Variants in ACAN observed in about 807,000 individuals in gnomAD.
ACAN encodes the protein aggrecan.
A neutral mutation model predicts 169.1 loss-of-function variants in ACAN; 47 were observed. The ratio of observed to expected loss-of-function variants is 0.28; its 90% CI spans 0.22 to 0.35. The LOEUF (loss-of-function observed/expected upper bound fraction) is 0.35, where lower values mean the gene tolerates loss of function less well. Ranked by LOEUF, ACAN falls within the 10% of genes least tolerant of loss-of-function variation. ACAN has a pLI of 1.00. For synonymous variants in ACAN, 1,115 were observed against 1,112.2 expected (o/e 1.00, Z -0.05); for missense variants, 2,716 against 2,759.9 (o/e 0.98, Z 0.36).
At chr15:88,854,383 A>T (rs1897000506) in intron 11 of ACAN, among the ~76,000 whole-genome samples, 1 of 152,196 alleles carries the variant, frequency 6.6e-6, no homozygotes, top group African/African-American at 2.4e-5. Context: ...TCAAGCTCCC[A>T]GAGGGTGCTC....
Position 88,849,167 on chromosome 15 carries a change from A to G in ACAN, c.1733-271A>G, listed in dbSNP as rs60178179. On this transcript the variant is annotated intron_variant, in intron 9 of 18. Transcript: ENST00000560601. The surrounding 1 kb of genome is among the most constrained non-coding windows in gnomAD (Gnocchi z 5.1). ...CGGAGGAGAAGTTGTTGTGGAAACA[A>G]CTCAGCCCAGTTTTACGGGAATTTT... 0.027 allele frequency among the ~76,000 whole-genome samples: 4,145 copies of G among 152,140 alleles called. 196 individuals are homozygous for G. The highest frequency in any genetic ancestry group is 0.095 in the African/African-American group (3,949 of 41,508).
intron 1 of ACAN, among the ~76,000 whole-genome samples, chr15:88,805,000 G>A (rs1363299336): frequency 6.6e-6 from 1 of 152,188 alleles, no homozygotes; most frequent in Non-Finnish European, 1.5e-5. Flanking sequence ...AGGAGGGCAA[G>A]TGGACCCAGA....
rs1009567075 is a variant in ACAN, at chr15:88,810,958, C to T, written c.-8+7149C>T. ...TGCCTCTTGGGCCACTTGCTCTCTT[C>T]CTTCCCCAAGGGCAGGACTACAGCC... On this transcript the variant is annotated intron_variant, in intron 1 of 18. Coordinates refer to ENST00000560601, the MANE Select transcript of ACAN (RefSeq NM_001369268.1). 1.7e-4 allele frequency among the ~76,000 whole-genome samples: 26 copies of T among 152,202 alleles called. 1 individual carries two copies.
In ACAN at chr15:88,849,485, G is replaced by A. The variant is rs1164048792; in HGVS notation, c.1780G>A (p.Ala594Thr). The change falls in exon 10 of 19, where the codon GCA (alanine) becomes ACA (threonine). Residue 594 changes from alanine (A) to threonine (T), a missense_variant. By Grantham distance (58) the Ala-to-Thr change is moderately conservative. This residue lies in a region of ACAN where 1,283 missense variants were observed against 1,281.5 expected (regional missense o/e 1.00). Transcript: ENST00000560601. The surrounding 1 kb of genome is among the most constrained non-coding windows in gnomAD (Gnocchi z 5.1). ...TRLEQFTFQE[A>T]LEFCESHNAT... is the part of the protein sequence containing the mutation. ...CCTTGAGCAGTTCACCTTCCAGGAA[G>A]CACTGGAGTTCTGTGAATCTCACAA... 6 of 1,606,830 alleles carry A rather than the reference G, an allele frequency of 3.7e-6. No individual in the cohort carries two copies. In the African/African-American group the frequency reaches 8.0e-5, roughly 21 times the overall value.
chr15:88,860,778 C>T (rs117918654), intron 13 of ACAN, among the ~76,000 whole-genome samples: 5 of 152,238 alleles, frequency 3.3e-5, no homozygotes, highest in East Asian at 3.9e-4. Flanking sequence ...TTAAATACAG[C>T]GGGTCACACC....
chr15:88,826,125 G>C lies in ACAN; in HGVS notation c.-7-10075G>C, dbSNP rs148596959. ...CATGGTAGGATGGGACTTTAGAAAA[G>C]GTTAGAGACTCAGCTCACGTCGGGG... On this transcript the variant is annotated intron_variant, in intron 1 of 18. Transcript: ENST00000560601. Among the ~76,000 whole-genome samples the C allele has an allele frequency of 6.3e-4, 96 of 152,322 alleles. 1 individual carries two copies. Among genetic ancestry groups the C allele is most frequent in the African/African-American group, 2.1e-3 (88 of 41,568 alleles).
At chr15:88,817,316 G>A (rs1046368302) in intron 1 of ACAN, among the ~76,000 whole-genome samples, 2 of 151,912 alleles carry the variant, frequency 1.3e-5, no homozygotes, top group Non-Finnish European at 2.9e-5. Context: ...TAATTTTTTT[G>A]TATTTTTAGT....
At chr15:88,820,231 C>T (rs910627642) in intron 1 of ACAN, among the ~76,000 whole-genome samples, 1 of 152,182 alleles carries the variant, frequency 6.6e-6, no homozygotes, top group African/African-American at 2.4e-5. Context: ...GTGCATGCTC[C>T]TCCCAGTCAG....
At chr15:88,818,849 T>G (rs1178631820) in intron 1 of ACAN, among the ~76,000 whole-genome samples, 1 of 152,238 alleles carries the variant, frequency 6.6e-6, no homozygotes, top group Non-Finnish European at 1.5e-5. Flanking sequence ...AATGGTTGCA[T>G]AACAATGTGA....
At position 88,836,188 on chromosome 15, in the gene ACAN, C is replaced by T; in HGVS notation, c.-7-12C>T. 6.2e-7 allele frequency: 1 copy of T among 1,608,466 alleles called. No homozygotes were observed. Among genetic ancestry groups the T allele is most frequent in the South Asian group, 1.1e-5 (1 of 90,704 alleles). ...CACTGTCTAAATAACGCCTCTGCCT[C>T]CCCTCTTCCAGGTGAACTATGACCA... On this transcript the variant is annotated splice_polypyrimidine_tract_variant and intron_variant, in intron 1 of 18. Coordinates refer to ENST00000560601, the MANE Select transcript of ACAN (RefSeq NM_001369268.1).
intron 9 of ACAN, 44 bp downstream of exon 9, chr15:88,848,082 G>A (rs1349384069): frequency 6.2e-7 from 1 of 1,602,760 alleles, no homozygotes; most frequent in Admixed American, 1.7e-5. Context: ...ATGGGCAGGG[G>A]GTGGGCAGGG....
In ACAN at chr15:88,858,125, A is replaced by T. The variant is rs752160788; in HGVS notation, c.5540A>T (p.Glu1847Val). ...GTGGCCCCTACTACATTTAAAGAAG[A>T]AGAAGGCTTAGGGTCTGTGGAACTC... The part of the protein sequence containing the change: ...VEVAPTTFKE[E>V]EGLGSVELSG... The change falls in exon 12 of 19, where the codon GAA becomes GTA. Residue 1847 changes from glutamate (E) to valine (V), a missense_variant. By Grantham distance (121) the Glu-to-Val change is moderately radical (BLOSUM62 -2). Coordinates refer to ENST00000560601, the MANE Select transcript of ACAN (RefSeq NM_001369268.1). This position sits in a 1 kb window ranked among gnomAD's most constrained non-coding sequence, Gnocchi z 4.0. 7 of 1,613,776 alleles carry T rather than the reference A, an allele frequency of 4.3e-6. No individual in the cohort carries two copies. The South Asian group carries it at 5.5e-5, about 13-fold the overall frequency.
intron 1 of ACAN, among the ~76,000 whole-genome samples, chr15:88,811,192 G>C (rs11636838): frequency 6.6e-6 from 1 of 152,222 alleles, no homozygotes; most frequent in African/African-American, 2.4e-5. Flanking sequence ...ATTAACCCTA[G>C]TTAATTTTGG....
In ACAN at chr15:88,857,497, C is replaced by T. The variant is rs1897083960; in HGVS notation, c.4912C>T (p.Leu1638Phe). Residue 1638 changes from leucine (L) to phenylalanine (F), a missense_variant, in exon 12 of 19, where the codon CTT (leucine) becomes TTT (phenylalanine). By Grantham distance (22) the Leu-to-Phe change is conservative. Coordinates refer to ENST00000560601, the MANE Select transcript of ACAN (RefSeq NM_001369268.1). ...GFSGEYSGVD[L>F]GSGPPSGLPD... Reference sequence around the variant, plus strand: ...TAGTGGTGAGTATTCTGGGGTGGACCTTGGAAGTGGCCCACCCTCTGGCCT... The same window carrying T: ...TAGTGGTGAGTATTCTGGGGTGGACTTTGGAAGTGGCCCACCCTCTGGCCT... The T allele has an allele frequency of 6.2e-7, 1 of 1,613,794 alleles. No individual in the cohort carries two copies. The highest frequency in any genetic ancestry group is 1.7e-5 in the Admixed American group (1 of 60,006).
chr15:88,854,057 G>A (rs1896993207), intron 11 of ACAN, among the ~76,000 whole-genome samples: 1 of 152,224 alleles, frequency 6.6e-6, no homozygotes, highest in African/African-American at 2.4e-5. Flanking sequence ...AAGAGCTGAA[G>A]CAAAGAATGT....
At position 88,840,038 on chromosome 15, in the gene ACAN, T is replaced by G; in HGVS notation, c.481T>G (p.Ser161Ala). The G allele has an allele frequency of 1.2e-6, 2 of 1,602,330 alleles. No individual in the cohort carries two copies. The highest frequency in any genetic ancestry group is 1.1e-5 in the South Asian group (1 of 88,718). Residue 161 changes from serine (S) to alanine (A), a missense_variant, in exon 4 of 19, where the codon TCT becomes GCT. Ser to Ala is a moderately conservative substitution (Grantham distance 99, BLOSUM62 1). This residue lies in a region of ACAN where 1,283 missense variants were observed against 1,281.5 expected (regional missense o/e 1.00). Transcript: ENST00000560601. Reference protein sequence around the residue: ...KGIVFHYRAISTRYTLDFDRA... With the variant: ...KGIVFHYRAIATRYTLDFDRA... The stretch of plus-strand genomic sequence containing the variant: ...CATCGTGTTCCATTACAGAGCCATC[T>G]CTACACGCTACACCCTCGACTTTGA...
rs1897281043 is a variant in ACAN at position 88,866,396 on chromosome 15, GCCCCCA to G, written c.6947-1819_6947-1814del. Among the ~76,000 whole-genome samples, 3 of 152,142 alleles carry G rather than the reference GCCCCCA, an allele frequency of 2.0e-5. No individual in the cohort carries two copies. The highest frequency in any genetic ancestry group is 2.9e-5 in the Non-Finnish European group (2 of 68,038). On this transcript the variant is annotated intron_variant, in intron 13 of 18. Transcript: ENST00000560601. The surrounding 1 kb of genome is among the most constrained non-coding windows in gnomAD (Gnocchi z 5.6). ...ATAAAAGAGAACAGGCAGGAGAGCC[GCCCCCA>G]GCTTCCGCCCTGCCGACTGGCCTGA...
chr15:88,812,277 G>A (rs1596111694), intron 1 of ACAN, among the ~76,000 whole-genome samples: 1 of 152,118 alleles, frequency 6.6e-6, no homozygotes, highest in Admixed American at 6.5e-5. Context: ...ATGCTTCAGC[G>A]GTTGGAAAAC....
At position 88,849,633 on chromosome 15, in the gene ACAN, G is replaced by A; in HGVS notation, c.1928G>A (p.Cys643Tyr). 6.2e-7 allele frequency: 1 copy of A among 1,612,958 alleles called. No homozygotes were observed. The highest frequency in any genetic ancestry group is 8.5e-7 in the Non-Finnish European group (1 of 1,179,694). The part of the protein sequence containing the change: ...RYPIVTPRPA[C>Y]GGDKPGVRTV... The stretch of plus-strand genomic sequence containing the variant: ...CCCATCGTCACCCCAAGGCCTGCCT[G>A]CGGTGGGGACAAGCCAGGCGTGAGA... Residue 643 changes from cysteine (C) to tyrosine (Y), a missense_variant, in exon 10 of 19, where the codon TGC becomes TAC. Physicochemically the swap from Cys to Tyr is radical, Grantham distance 194 (BLOSUM62 -2). Transcript: ENST00000560601. This position sits in a 1 kb window ranked among gnomAD's most constrained non-coding sequence, Gnocchi z 5.1.
Sources: gnomAD v4.1 joint callset for allele counts (sites outside exome capture counted in the v4.1 genomes callset) on GRCh38, gnomAD v4.1.1 for gene constraint, gnomAD v4.1.1 regional missense constraint, Gnocchi (gnomAD v3.1) non-coding constraint, MANE v1.5 for transcripts, NCBI Gene and HGNC (gene_info 2026-07-23, HGNC 2026-07-21) for gene names.